Variants in ACSM3 observed in about 807,000 individuals in gnomAD.
ACSM3 encodes the protein acyl-CoA synthetase medium chain family member 3.
Under a neutral mutation model 74.1 loss-of-function variants are expected in ACSM3, and 61 were observed. The observed-to-expected ratio is 0.82, with a 90% CI of 0.67 to 1.02. The LOEUF (loss-of-function observed/expected upper bound fraction) is 1.02. Ranked by LOEUF, ACSM3 falls within the 50% of genes least tolerant of loss-of-function variation. The pLI is 0.00. For synonymous variants in ACSM3, 213 were observed against 241.5 expected (o/e 0.88, Z 1.09); for missense variants, 660 against 697.0 (o/e 0.95, Z 0.60).
At chr16:20,728,065 G>C in intron 1 of ACSM3, 1 of 212,410 alleles carries the variant, frequency 4.7e-6, no homozygotes, top group Non-Finnish European at 9.6e-6. Flanking sequence ...CTTAAATACT[G>C]GGAAAATCAG....
intron 1 of ACSM3, among the ~76,000 whole-genome samples, chr16:20,745,031 A>G (rs1487992069): frequency 1.3e-5 from 2 of 151,848 alleles, no homozygotes; most frequent in African/African-American, 2.4e-5. Context: ...TAAATCACAC[A>G]CTCATCCTGT....
chr16:20,727,248 A>C (rs993973760), intron 1 of ACSM3: 2 of 448,594 alleles, frequency 4.5e-6, no homozygotes, highest in South Asian at 3.4e-5. Flanking sequence ...TGCCTCTCCT[A>C]GCTTCTATGC....
chr16:20,695,735 G>A (rs1213505811), intron 1 of ACSM3, among the ~76,000 whole-genome samples: 2 of 151,790 alleles, frequency 1.3e-5, no homozygotes, highest in Non-Finnish European at 2.9e-5. Flanking sequence ...TCCAAGTGTT[G>A]AGGACTGAAA....
intron 1 of ACSM3, among the ~76,000 whole-genome samples, chr16:20,732,275 C>G (rs1388559279): frequency 1.3e-5 from 2 of 152,082 alleles, no homozygotes; most frequent in Non-Finnish European, 2.9e-5. Context: ...CTGACTGATC[C>G]TCTGCATGAA....
At position 20,714,358 on chromosome 16, in the gene ACSM3, T is replaced by C. The variant is rs56107602; in HGVS notation, c.-189-35552T>C. 3.0e-3 allele frequency among the ~76,000 whole-genome samples: 450 copies of C among 152,158 alleles called. 2 individuals are homozygous for C. The highest frequency in any genetic ancestry group is 3.7e-3 in the Admixed American group (56 of 15,270). On this transcript the variant is annotated intron_variant, in intron 1 of 3. Transcript: ENST00000561584. ...CTCATATGCCATGATAAATCTTAAA[T>C]TGCCCCTGTAAACAAGGGATGCCAT...
chr16:20,782,261 A>G (rs1478280321), intron 7 of ACSM3, among the ~76,000 whole-genome samples: 1 of 152,054 alleles, frequency 6.6e-6, no homozygotes, highest in Admixed American at 6.6e-5. Context: ...TTTTGTTTCA[A>G]TAGGGTTTTG....
At chr16:20,757,243 A>C (rs993129273) in intron 3 of ACSM3, among the ~76,000 whole-genome samples, 1 of 152,078 alleles carries the variant, frequency 6.6e-6, no homozygotes. Flanking sequence ...CCATTTTCAC[A>C]ATATTGATTC....
intron 1 of ACSM3, chr16:20,741,578 C>A (rs2152423253): frequency 6.3e-7 from 1 of 1,579,318 alleles, no homozygotes. Flanking sequence ...CGCACTTGCG[C>A]TCGTTCATAT....
intron 1 of ACSM3, chr16:20,682,344 T>C: frequency 1.9e-6 from 3 of 1,614,088 alleles, no homozygotes; most frequent in East Asian, 2.2e-5. Flanking sequence ...TGAGAAGCTA[T>C]GGAGTCCACC....
At chr16:20,779,409 G>A (rs1259084887) in intron 4 of ACSM3, among the ~76,000 whole-genome samples, 9 of 138,976 alleles carry the variant, frequency 6.5e-5, no homozygotes, top group African/African-American at 2.1e-4. Flanking sequence ...GGGTGAGAGA[G>A]AGAGAAACCC....
intron 1 of ACSM3, among the ~76,000 whole-genome samples, chr16:20,701,492 G>C (rs578037661): frequency 5.9e-5 from 9 of 152,224 alleles, no homozygotes; most frequent in Middle Eastern, 3.4e-3. Flanking sequence ...TTTTTAAAAA[G>C]AAACTTCAGA....
intron 1 of ACSM3, chr16:20,679,751 C>A (rs2079399219): frequency 6.6e-6 from 1 of 152,170 alleles, no homozygotes; most frequent in South Asian, 2.1e-4. Context: ...TACAACCAGA[C>A]CACCTATTCG....
chr16:20,727,295 G>C, intron 1 of ACSM3: 1 of 549,166 alleles, frequency 1.8e-6, no homozygotes, highest in Non-Finnish European at 3.6e-6. Context: ...TGCAGGGAAA[G>C]CACTCAGGTT....
Position 20,770,143 on chromosome 16 carries a change from C to T in ACSM3, c.109C>T (p.Pro37Ser). The T allele has an allele frequency of 6.2e-7, 1 of 1,614,050 alleles. No homozygotes were observed. The highest frequency in any genetic ancestry group is 1.7e-4 in the Middle Eastern group (1 of 6,060). ...GCATAAAGATAATAGAACAGCAACC[C>T]CTCAGAATTTCTCCAACTATGAATC... ...ALHKDNRTAT[P>S]QNFSNYESMK... Residue 37 changes from proline to serine, a missense_variant, in exon 2 of 14, where the codon CCT (proline) becomes TCT (serine). By Grantham distance (74) the Pro-to-Ser change is moderately conservative. Transcript: ENST00000289416.
At chr16:20,784,350 TAC>T (rs1406288225) in intron 7 of ACSM3, among the ~76,000 whole-genome samples, 1 of 152,210 alleles carries the variant, frequency 6.6e-6, no homozygotes, top group Non-Finnish European at 1.5e-5. Context: ...TACAGCAGAT[TAC>T]AGAGTACTTC....
chr16:20,721,929 T>C (rs2079787099), intron 1 of ACSM3: 3 of 152,194 alleles, frequency 2.0e-5, no homozygotes, highest in Admixed American at 2.0e-4. Flanking sequence ...AATAACTAAA[T>C]ATTTGAAAAA....
intron 1 of ACSM3, chr16:20,736,819 G>A (rs2079873513): frequency 1.3e-6 from 2 of 1,536,536 alleles, no homozygotes; most frequent in Admixed American, 1.9e-5. Context: ...TTAAGGTGGA[G>A]CCCCAGCAAC....
At chr16:20,784,837 A>G (rs900866626) in intron 7 of ACSM3, 147 bp from the exon 8 acceptor site, 1 of 685,562 alleles carries the variant, frequency 1.5e-6, no homozygotes, top group Non-Finnish European at 2.3e-6. Context: ...GTATATGTTT[A>G]TGGGGTAAAA....
intron 1 of ACSM3, among the ~76,000 whole-genome samples, chr16:20,713,203 A>G (rs1462808793): frequency 2.6e-5 from 4 of 152,178 alleles, no homozygotes; most frequent in South Asian, 2.1e-4. Context: ...GGAGAATCAA[A>G]TGTGATAAAA....
Sources: gnomAD v4.1 joint callset for allele counts (sites outside exome capture counted in the v4.1 genomes callset) on GRCh38, gnomAD v4.1.1 for gene constraint, MANE v1.5 for transcripts, NCBI Gene and HGNC (gene_info 2026-07-23, HGNC 2026-07-21) for gene names.